The following PCDH15 variants were observed in gnomAD, a reference collection of about 807,000 sequenced individuals.
The protein encoded by PCDH15 is protocadherin-15.
PCDH15 carries 129 observed loss-of-function variants against 178.5 expected under a neutral mutation model. That is an observed-to-expected ratio of 0.72 (90% confidence interval 0.63 to 0.84). The LOEUF (loss-of-function observed/expected upper bound fraction) is 0.84, where lower values mean the gene tolerates loss of function less well. PCDH15 is among the 40% of genes least tolerant of loss of function. The probability of loss-of-function intolerance (pLI) is 0.00; values close to 1 mark genes in which losing one functional copy is unlikely to be tolerated. For missense variants in PCDH15, 2,230 were observed against 2,099.9 expected (o/e 1.06, Z -1.21); for synonymous variants, 800 against 732.0 (o/e 1.09, Z -1.50).
intron 3 of PCDH15, among the ~76,000 whole-genome samples, chr10:54,878,486 C>A (rs967949542): frequency 2.0e-5 from 3 of 152,124 alleles, no homozygotes; most frequent in Non-Finnish European, 4.4e-5. Flanking sequence ...ACCCTAGAAG[C>A]CTCATTCCAT....
At chr10:55,133,758 A>C (rs1838116320) in intron 2 of PCDH15, among the ~76,000 whole-genome samples, 1 of 152,150 alleles carries the variant, frequency 6.6e-6, no homozygotes, top group Admixed American at 6.5e-5. Flanking sequence ...GTCCAAGCTA[A>C]ATTGTAGAGT....
At chr10:54,357,292 G>T (rs1432866583) in intron 5 of PCDH15, among the ~76,000 whole-genome samples, 1 of 152,098 alleles carries the variant, frequency 6.6e-6, no homozygotes, top group East Asian at 1.9e-4. Context: ...ATCTCCTTAA[G>T]CTGATAAGCA....
At chr10:53,863,774 T>C (rs571617568) in intron 27 of PCDH15, among the ~76,000 whole-genome samples, 37 of 152,264 alleles carry the variant, frequency 2.4e-4, no homozygotes, top group African/African-American at 7.5e-4. Flanking sequence ...GGCAATCTCC[T>C]AGAGCTGGCG....
intron 2 of PCDH15, among the ~76,000 whole-genome samples, chr10:55,059,806 A>G (rs564758416): frequency 1.3e-5 from 2 of 152,152 alleles, no homozygotes; most frequent in Non-Finnish European, 2.9e-5. Flanking sequence ...TGGACATACA[A>G]TAAGCACCTA....
rs527937285 is a variant in PCDH15, at chr10:53,983,038, A to G, written c.2868+12611T>C. On this transcript the variant is annotated intron_variant, in intron 21 of 37. Coordinates refer to ENST00000644397, the MANE Select transcript of PCDH15 (RefSeq NM_001384140.1). ...CTTATTATTATCATTAAAAACAAAT[A>G]TTAAGTAATTTGTTTTCAAGAACAC... Among the ~76,000 whole-genome samples the G allele has an allele frequency of 5.9e-5, 9 of 152,094 alleles. No individual in the cohort carries two copies. The East Asian group carries it at 1.7e-3, about 29-fold the overall frequency.
chr10:53,891,796 T>TAA (rs113664953), intron 26 of PCDH15, among the ~76,000 whole-genome samples: 7 of 145,660 alleles, frequency 4.8e-5, no homozygotes, highest in African/African-American at 1.8e-4. Flanking sequence ...TTACTAAAAA[T>TAA]AAAAAAAAAA....
intron 20 of PCDH15, among the ~76,000 whole-genome samples, chr10:54,019,048 T>A (rs1022856447): frequency 6.6e-6 from 1 of 152,102 alleles, no homozygotes; most frequent in African/African-American, 2.4e-5. Flanking sequence ...ATCTTATAGA[T>A]CTTCTGTCTT....
At chr10:54,724,407 G>C (rs1028000875) in intron 1 of PCDH15, among the ~76,000 whole-genome samples, 2 of 151,490 alleles carry the variant, frequency 1.3e-5, no homozygotes, top group African/African-American at 4.8e-5. Context: ...TTTGAGGGTT[G>C]AAAATTACCT....
intron 2 of PCDH15, among the ~76,000 whole-genome samples, chr10:55,475,951 G>A (rs1339855827): frequency 1.3e-5 from 2 of 152,048 alleles, no homozygotes; most frequent in African/African-American, 4.8e-5. Flanking sequence ...TCAACTGCCA[G>A]TTGCACTATA....
chr10:55,027,860 T>C (rs1205001597), intron 2 of PCDH15, among the ~76,000 whole-genome samples: 1 of 151,928 alleles, frequency 6.6e-6, no homozygotes, highest in Non-Finnish European at 1.5e-5. Context: ...TTTTTCAATA[T>C]ACTGATTCAT....
At chr10:54,936,274 A>G (rs1837905671) in intron 2 of PCDH15, among the ~76,000 whole-genome samples, 1 of 152,086 alleles carries the variant, frequency 6.6e-6, no homozygotes, top group Non-Finnish European at 1.5e-5. Flanking sequence ...ATATATGTCC[A>G]TTCATTAGTT....
chr10:55,389,372 T>A (rs1277506902), intron 2 of PCDH15, among the ~76,000 whole-genome samples: 1 of 151,918 alleles, frequency 6.6e-6, no homozygotes, highest in Non-Finnish European at 1.5e-5. Flanking sequence ...AGCCTCAAAC[T>A]CAAATATTGT....
At chr10:54,258,702 A>G (rs1206964533) in intron 8 of PCDH15, among the ~76,000 whole-genome samples, 1 of 152,214 alleles carries the variant, frequency 6.6e-6, no homozygotes, top group Non-Finnish European at 1.5e-5. Context: ...ATTTGATAAA[A>G]GAAATACAAT....
intron 3 of PCDH15, among the ~76,000 whole-genome samples, chr10:54,384,225 C>T (rs529371846): frequency 1.3e-5 from 2 of 152,122 alleles, no homozygotes; most frequent in African/African-American, 4.8e-5. Context: ...AACCTCTTAA[C>T]CTGTGTCTCC....
At chr10:54,372,013 T>A (rs1314582109) in intron 4 of PCDH15, among the ~76,000 whole-genome samples, 1 of 151,870 alleles carries the variant, frequency 6.6e-6, no homozygotes, top group Non-Finnish European at 1.5e-5. Context: ...AGAATTTGAA[T>A]TAGATGACCT....
intron 3 of PCDH15, among the ~76,000 whole-genome samples, chr10:54,500,156 G>C (rs1227241094): frequency 6.6e-6 from 1 of 151,754 alleles, no homozygotes; most frequent in African/African-American, 2.4e-5. Flanking sequence ...CAACATTAAA[G>C]CAGTTGGAGG....
At chr10:54,764,384 C>A (rs1230802994) in intron 1 of PCDH15, among the ~76,000 whole-genome samples, 1 of 151,928 alleles carries the variant, frequency 6.6e-6, no homozygotes, top group African/African-American at 2.4e-5. Flanking sequence ...CTCCTATGAA[C>A]CACTGTTATG....
At chr10:55,607,865 T>A (rs967300886) in intron 2 of PCDH15, among the ~76,000 whole-genome samples, 19 of 150,506 alleles carry the variant, frequency 1.3e-4, no homozygotes, top group African/African-American at 3.7e-4. Context: ...AACCTGCACA[T>A]TGTGCACATG....
At chr10:54,744,204 C>G (rs1945175820) in intron 1 of PCDH15, among the ~76,000 whole-genome samples, 1 of 152,090 alleles carries the variant, frequency 6.6e-6, no homozygotes. Context: ...CCACCAACAG[C>G]TACTTGAGTG....
Sources: gnomAD v4.1 joint callset for allele counts (sites outside exome capture counted in the v4.1 genomes callset) on GRCh38, gnomAD v4.1.1 for gene constraint, MANE v1.5 for transcripts, NCBI Gene and HGNC (gene_info 2026-07-23, HGNC 2026-07-21) for gene names.